The following FRAS1 variants were observed in gnomAD, a reference collection of about 807,000 sequenced individuals.
FRAS1 encodes extracellular matrix organizing protein FRAS1.
A neutral mutation model predicts 435.2 loss-of-function variants in FRAS1; 290 were observed. The ratio of observed to expected loss-of-function variants is 0.67; its 90% CI spans 0.61 to 0.73. The LOEUF is 0.73. Among genes scored for constraint, FRAS1 ranks in the 30% least tolerant of loss-of-function variants. FRAS1 has a pLI of 0.00. For missense variants in FRAS1, 4,860 were observed against 5,001.5 expected, an observed-to-expected ratio of 0.97 and a Z score of 0.85; for synonymous variants, 1,800 against 1,851.0, an observed-to-expected ratio of 0.97 and a Z score of 0.71.
At chr4:78,067,708 A>ATTATTATTG (rs751750821) in intron 2 of FRAS1, among the ~76,000 whole-genome samples, 5,506 of 135,592 alleles carry the variant, frequency 0.041, 189 homozygotes, top group African/African-American at 0.078. Context: ...TATTATTATT[A>ATTATTATTG]TTATTTGTAA....
chr4:78,319,049 G>A, intron 18 of FRAS1, 63 bp downstream of exon 18: 1 of 1,513,762 alleles, frequency 6.6e-7, no homozygotes, highest in Non-Finnish European at 9.1e-7. Flanking sequence ...GATCCTGTGA[G>A]GTGGGACCAA....
chr4:78,363,739 A>T, intron 21 of FRAS1, 74 bp downstream of exon 21: 1 of 1,498,552 alleles, frequency 6.7e-7, no homozygotes, highest in Non-Finnish European at 9.1e-7. Flanking sequence ...GGAAGGATCA[A>T]CCTTTCCTAA....
At chr4:78,070,297 G>GTTGT (rs1740276636) in intron 2 of FRAS1, among the ~76,000 whole-genome samples, 1 of 151,584 alleles carries the variant, frequency 6.6e-6, no homozygotes, top group Non-Finnish European at 1.5e-5. Flanking sequence ...TTTGTATTGT[G>GTTGT]TTGTGTTTCC....
At chr4:78,487,711 CACTATAAACCAGAT>C (rs1469125017) in intron 58 of FRAS1, among the ~76,000 whole-genome samples, 2 of 152,106 alleles carry the variant, frequency 1.3e-5, no homozygotes, top group Non-Finnish European at 2.9e-5. Flanking sequence ...TTTGAGTTCT[CACTATAAACCAGAT>C]ACTACATTGA....
chr4:78,267,125 C>T (rs995398040), intron 8 of FRAS1, 116 bp from the exon 9 acceptor site: 37 of 1,083,980 alleles, frequency 3.4e-5, no homozygotes, highest in African/African-American at 4.8e-5. Flanking sequence ...CATCGTGGGT[C>T]GGGCCAGAGA....
intron 64 of FRAS1, among the ~76,000 whole-genome samples, chr4:78,512,813 T>C (rs1490483092): frequency 2.0e-5 from 3 of 152,210 alleles, no homozygotes; most frequent in African/African-American, 7.2e-5. Flanking sequence ...CACGTAGTGC[T>C]GATAGGACTT....
chr4:78,454,036 T>C (rs1719106915), intron 47 of FRAS1, among the ~76,000 whole-genome samples: 2 of 151,776 alleles, frequency 1.3e-5, no homozygotes, highest in South Asian at 4.2e-4. Flanking sequence ...TGTCAGATGG[T>C]GATGAGTGTC....
At chr4:78,443,359 A>G (rs923021) in intron 41 of FRAS1, among the ~76,000 whole-genome samples, 47,168 of 152,158 alleles carry the variant, frequency 0.31, 7,580 homozygotes, top group Non-Finnish European at 0.36. Flanking sequence ...CCGTACCTCA[A>G]AAAAGAAAAG....
rs956242822 is a variant in FRAS1 at position 78,286,423 on chromosome 4, C to G, written c.1418C>G (p.Ser473Cys). Residue 473 changes from serine (S) to cysteine (C), a missense_variant, in exon 14 of 74, where the codon TCC (serine) becomes TGC (cysteine). Coordinates refer to ENST00000512123, the MANE Select transcript of FRAS1 (RefSeq NM_025074.7). ...SLCLACQPQC[S>C]TCTSGLECSS... ...GAGTCAGCCTGCCAGCCCCAGTGCT[C>G]CACGTGTACCAGTGGGCTGGAGTGC... 1 of 1,613,608 alleles carries G rather than the reference C, an allele frequency of 6.2e-7. No individual in the cohort carries two copies. The highest frequency in any genetic ancestry group is 8.5e-7 in the Non-Finnish European group (1 of 1,179,884).
Position 78,387,451 on chromosome 4 carries a change from A to G in FRAS1, c.3725A>G (p.Asp1242Gly), listed in dbSNP as rs1470790559. The G allele has an allele frequency of 6.2e-7, 1 of 1,613,748 alleles. No homozygotes were observed. Among genetic ancestry groups the G allele is most frequent in the South Asian group, 1.1e-5 (1 of 91,048 alleles). ...ERATITTQML[D>G]IRDDDNPQDV... ...GCAACCATCACCACCCAGATGCTTGACATCCGAGATGATGACAACCCACAG... is the reference window on the plus strand; with the variant it reads ...GCAACCATCACCACCCAGATGCTTGGCATCCGAGATGATGACAACCCACAG... The change falls in exon 29 of 74, where the codon GAC becomes GGC. Residue 1242 changes from aspartate (D) to glycine (G), a missense_variant. Physicochemically the swap from Asp to Gly is moderately conservative, Grantham distance 94. Coordinates refer to ENST00000512123, the MANE Select transcript of FRAS1 (RefSeq NM_025074.7).
chr4:78,385,298 C>G (rs1470898803), intron 28 of FRAS1, among the ~76,000 whole-genome samples: 1 of 152,060 alleles, frequency 6.6e-6, no homozygotes, highest in Non-Finnish European at 1.5e-5. Context: ...CCTGGGGAAC[C>G]AAGACTAGCT....
chr4:78,244,313 T>C (rs1412049601), intron 3 of FRAS1, among the ~76,000 whole-genome samples: 1 of 152,114 alleles, frequency 6.6e-6, no homozygotes, highest in East Asian at 1.9e-4. Flanking sequence ...ACTGGTTGAA[T>C]TCTTGGTAGA....
chr4:78,101,606 C>G (rs539714958), intron 2 of FRAS1, among the ~76,000 whole-genome samples: 2 of 152,050 alleles, frequency 1.3e-5, no homozygotes, highest in African/African-American at 4.8e-5. Context: ...TAGGAATTTT[C>G]TCTCTAGAGA....
intron 34 of FRAS1, 132 bp downstream of exon 34, chr4:78,422,132 G>C (rs6836084): frequency 0.35 from 320,260 of 906,568 alleles, 58,943 homozygotes; most frequent in Admixed American, 0.38. Context: ...AAAATAGCTT[G>C]AGACCTGTCA....
chr4:78,501,476 C>G (rs923478041), intron 61 of FRAS1, among the ~76,000 whole-genome samples: 3 of 152,176 alleles, frequency 2.0e-5, no homozygotes, highest in Admixed American at 1.3e-4. Context: ...TTTTGGGCAT[C>G]TACCCAGTAA....
chr4:78,367,994 C>T (rs1357109948), intron 22 of FRAS1, among the ~76,000 whole-genome samples: 2 of 152,072 alleles, frequency 1.3e-5, no homozygotes, highest in Non-Finnish European at 2.9e-5. Flanking sequence ...TAAAGATTTG[C>T]TGATCATATT....
At chr4:78,415,526 C>A (rs1166074911) in intron 32 of FRAS1, among the ~76,000 whole-genome samples, 2 of 152,154 alleles carry the variant, frequency 1.3e-5, no homozygotes, top group Non-Finnish European at 2.9e-5. Flanking sequence ...GATCACCACA[C>A]TTGAAGAACC....
intron 2 of FRAS1, among the ~76,000 whole-genome samples, chr4:78,118,861 A>T (rs1718833830): frequency 6.6e-6 from 1 of 152,114 alleles, no homozygotes; most frequent in African/African-American, 2.4e-5. Context: ...AGTGAGATGC[A>T]CCCAGTACCT....
At chr4:78,538,275 C>A (rs1311434575) in intron 72 of FRAS1, among the ~76,000 whole-genome samples, 2 of 151,990 alleles carry the variant, frequency 1.3e-5, no homozygotes, top group African/African-American at 4.8e-5. Context: ...AATTTTTAAC[C>A]GAGTAAATGT....
Sources: allele counts gnomAD v4.1 joint callset (sites outside exome capture counted in the v4.1 genomes callset), GRCh38; gene constraint gnomAD v4.1.1; transcripts MANE v1.5; gene names NCBI Gene and HGNC (gene_info 2026-07-23, HGNC 2026-07-21).